Variants in PIK3C2B observed in about 807,000 individuals in gnomAD.
PIK3C2B encodes phosphatidylinositol 4-phosphate 3-kinase C2 domain-containing subunit beta.
PIK3C2B carries 83 observed loss-of-function variants against 184.3 expected under a neutral mutation model. The observed-to-expected ratio is 0.45, with a 90% CI of 0.38 to 0.54. PIK3C2B has a LOEUF of 0.54. PIK3C2B is among the 20% of genes least tolerant of loss of function. The pLI, the probability that PIK3C2B is intolerant of heterozygous loss-of-function variation, is 0.00. For synonymous variants in PIK3C2B, 779 were observed against 837.6 expected (o/e 0.93, Z 1.21); for missense variants, 1,736 against 2,113.5 (o/e 0.82, Z 3.50).
chr1:204,451,203 G>A (rs1654320610), intron 12 of PIK3C2B, among the ~76,000 whole-genome samples: 1 of 152,250 alleles, frequency 6.6e-6, no homozygotes, highest in Non-Finnish European at 1.5e-5. Flanking sequence ...TATTTTGAGA[G>A]TTAGCTGATC....
chr1:204,439,170 G>T, intron 22 of PIK3C2B, 99 bp from the exon 23 acceptor site: 1 of 1,221,656 alleles, frequency 8.2e-7, no homozygotes, highest in Non-Finnish European at 1.1e-6. Flanking sequence ...TATAAATTAA[G>T]CTGTAAGGCA....
intron 9 of PIK3C2B, 148 bp downstream of exon 9, chr1:204,457,580 C>T (rs373090008): frequency 3.0e-4 from 214 of 714,122 alleles, no homozygotes; most frequent in Admixed American, 1.1e-3. Context: ...AGAGCTCTTG[C>T]GGTTGAATTC....
intron 5 of PIK3C2B, among the ~76,000 whole-genome samples, chr1:204,462,267 G>C (rs1466940882): frequency 6.6e-6 from 1 of 152,164 alleles, no homozygotes; most frequent in Non-Finnish European, 1.5e-5. Context: ...GGACCCAGGG[G>C]CTCCAGGATT....
intron 1 of PIK3C2B, among the ~76,000 whole-genome samples, chr1:204,485,075 G>T (rs1037050411): frequency 2.7e-5 from 4 of 150,282 alleles, no homozygotes; most frequent in Non-Finnish European, 5.9e-5. Context: ...AAGAGACAAG[G>T]TCTCACTCTG....
At chr1:204,436,974 A>G (rs1675379042) in intron 23 of PIK3C2B, among the ~76,000 whole-genome samples, 1 of 152,198 alleles carries the variant, frequency 6.6e-6, no homozygotes, top group Non-Finnish European at 1.5e-5. Context: ...CTTTCCAGGC[A>G]AAGGAAATAT....
chr1:204,478,951 T>C (rs1349021330), intron 1 of PIK3C2B, among the ~76,000 whole-genome samples: 2 of 152,238 alleles, frequency 1.3e-5, no homozygotes, highest in Non-Finnish European at 2.9e-5. Context: ...TTTGGTCTCA[T>C]GCACACACAT....
rs1656054021 is a variant in PIK3C2B, at chr1:204,468,946, G to C, written c.857C>G (p.Pro286Arg). Residue 286 changes from proline to arginine, a missense_variant, in exon 2 of 33, where the codon CCC becomes CGC. Pro to Arg is a moderately radical substitution (Grantham distance 103). Around this residue, in one of 8 missense-constraint regions of PIK3C2B, gnomAD observed 404 missense variants for 418.0 expected, o/e 0.97. Coordinates refer to ENST00000684373, the MANE Select transcript of PIK3C2B (RefSeq NM_001377334.1). ...RSKTMPPQVP[P>R]RTYASRYGNR... The stretch of plus-strand genomic sequence containing the variant: ...GCCATAGCGGGAGGCATAGGTGCGG[G>C]GGGGCACCTGAGGGGGCATAGTCTT... 3.1e-6 allele frequency: 5 copies of C among 1,614,066 alleles called. No homozygotes were observed. Among genetic ancestry groups the C allele is most frequent in the South Asian group, 2.2e-5 (2 of 91,070 alleles).
intron 1 of PIK3C2B, among the ~76,000 whole-genome samples, chr1:204,470,349 G>A (rs1656206108): frequency 6.6e-6 from 1 of 152,112 alleles, no homozygotes. Context: ...TGTATTTTTA[G>A]TAGAGACAGG....
chr1:204,450,591 C>A (rs571494428), intron 12 of PIK3C2B, among the ~76,000 whole-genome samples: 173 of 152,170 alleles, frequency 1.1e-3, no homozygotes, highest in Non-Finnish European at 2.1e-3. Context: ...TTTTTCTCAC[C>A]CCCACCCCCA....
rs1381054710 is a variant in PIK3C2B, at chr1:204,468,936, A to G, written c.867T>C (p.Tyr289=). Residue 289 remains tyrosine, a synonymous_variant, in exon 2 of 33, where the codon TAT becomes TAC. Transcript: ENST00000684373. ...TCTTTCGGTTGCCATAGCGGGAGGC[A>G]TAGGTGCGGGGGGGCACCTGAGGGG... ...TMPPQVPPRT[Y]ASRYGNRKNA... 5.0e-6 allele frequency: 8 copies of G among 1,612,666 alleles called. No individual in the cohort carries two copies. Among genetic ancestry groups the G allele is most frequent in the Non-Finnish European group, 6.8e-6 (8 of 1,179,162 alleles).
chr1:204,432,463 G>C (rs1013498107), intron 26 of PIK3C2B, 62 bp from the exon 27 acceptor site: 2 of 1,349,476 alleles, frequency 1.5e-6, no homozygotes, highest in Non-Finnish European at 2.1e-6. Context: ...GCCTCGACAG[G>C]GGTGTTCCAA....
At chr1:204,431,529 T>G in intron 28 of PIK3C2B, 140 bp downstream of exon 28, 2 of 1,057,768 alleles carry the variant, frequency 1.9e-6, no homozygotes, top group Non-Finnish European at 2.8e-6. Flanking sequence ...GTCATCAAAC[T>G]CCATACCAGG....
At position 204,469,694 on chromosome 1, in the gene PIK3C2B, G is replaced by A. The variant is rs1309981906; in HGVS notation, c.109C>T (p.Leu37=). The A allele has an allele frequency of 6.2e-7, 1 of 1,613,908 alleles. No individual in the cohort carries two copies. Among genetic ancestry groups the A allele is most frequent in the Non-Finnish European group, 8.5e-7 (1 of 1,179,962 alleles). Residue 37 remains leucine (L), a synonymous_variant, in exon 2 of 33, where the codon CTG becomes TTG. Transcript: ENST00000684373. ...TCCTTGTCATGCCGGAGCCGGGACA[G>A]GGCATCATACTCCATCTGCAGGGCT... is the stretch of plus-strand genomic sequence containing the variant. ...AEALQMEYDA[L]SRLRHDKEEN... is the part of the protein sequence containing the mutation.
rs373945378 is a variant in PIK3C2B, at chr1:204,434,602, C to G, written c.3523G>C (p.Glu1175Gln). The part of the protein sequence containing the change: ...PGEDEYEKAV[E>Q]NFIYSCAGCC... The stretch of plus-strand genomic sequence containing the variant: ...CCAGCGCAGGAGTAGATAAAGTTCT[C>G]CACAGCCTGGGAGGGGTCAAGGCAG... The change falls in exon 24 of 33, where the codon GAG becomes CAG. Residue 1175 changes from glutamate (E) to glutamine (Q), a missense_variant. Transcript: ENST00000684373. 2 of 1,612,940 alleles carry G rather than the reference C, an allele frequency of 1.2e-6. No individual in the cohort carries two copies. The highest frequency in any genetic ancestry group is 1.7e-6 in the Non-Finnish European group (2 of 1,179,104).
At position 204,428,226 on chromosome 1, in the gene PIK3C2B, A is replaced by T. The variant is rs1165801134; in HGVS notation, c.4399-6T>A. On this transcript the variant is annotated splice_region_variant and splice_polypyrimidine_tract_variant and intron_variant, in intron 29 of 32. Coordinates refer to ENST00000684373, the MANE Select transcript of PIK3C2B (RefSeq NM_001377334.1). ...AAGGTGTACACCAAATCACACTGGA[A>T]CAGAATCAGAAACAGGGCCATTCTT... 6.3e-7 allele frequency: 1 copy of T among 1,595,992 alleles called. No homozygotes were observed. The highest frequency in any genetic ancestry group is 1.3e-5 in the African/African-American group (1 of 74,542).
At chr1:204,456,449 C>T (rs537672069) in intron 10 of PIK3C2B, among the ~76,000 whole-genome samples, 2 of 152,196 alleles carry the variant, frequency 1.3e-5, no homozygotes, top group East Asian at 3.9e-4. Flanking sequence ...TTTTACTGGT[C>T]TATGAAATCC....
intron 1 of PIK3C2B, among the ~76,000 whole-genome samples, chr1:204,473,989 C>CTTTTTTTTTT (rs71145092): frequency 8.7e-6 from 1 of 115,164 alleles, no homozygotes; most frequent in Non-Finnish European, 1.7e-5. Context: ...CTCCCCTTGA[C>CTTTTTTTTTT]TTTTTTTTTT....
chr1:204,439,089 G>T lies in PIK3C2B; in HGVS notation c.3380-18C>A, dbSNP rs757878654. 1.2e-6 allele frequency: 2 copies of T among 1,611,998 alleles called. No individual in the cohort carries two copies. The highest frequency in any genetic ancestry group is 2.2e-5 in the East Asian group (1 of 44,812). ...CACCATCCCTGTGAGGGGAGAAATGGGGGTCACGTTCCAGACCAGAATGAA... is the reference window on the plus strand; with the variant it reads ...CACCATCCCTGTGAGGGGAGAAATGTGGGTCACGTTCCAGACCAGAATGAA... On this transcript the variant is annotated intron_variant, in intron 22 of 32. Coordinates refer to ENST00000684373, the MANE Select transcript of PIK3C2B (RefSeq NM_001377334.1).
Position 204,464,563 on chromosome 1 carries a change from C to T in PIK3C2B, c.1076G>A (p.Gly359Asp), listed in dbSNP as rs778603019. 1.2e-6 allele frequency: 2 copies of T among 1,614,060 alleles called. No homozygotes were observed. Among genetic ancestry groups the T allele is most frequent in the South Asian group, 1.1e-5 (1 of 91,080 alleles). ...AGGGGTGACAGCACTCCAGACATAG[C>T]CAGTGAGGAAGTAGTCTTGGATGTC... ...GSDIQDYFLT[G>D]YVWSAVTPSP... Residue 359 changes from glycine to aspartate, a missense_variant, in exon 4 of 33, where the codon GGC becomes GAC. By Grantham distance (94) the Gly-to-Asp change is moderately conservative. Coordinates refer to ENST00000684373, the MANE Select transcript of PIK3C2B (RefSeq NM_001377334.1).
Sources: allele counts gnomAD v4.1 joint callset (sites outside exome capture counted in the v4.1 genomes callset), GRCh38; gene constraint gnomAD v4.1.1; regional missense constraint gnomAD v4.1.1; transcripts MANE v1.5; gene names NCBI Gene and HGNC (gene_info 2026-07-23, HGNC 2026-07-21).